TRPS1: variants seen among roughly 807,000 people sequenced by gnomAD.
TRPS1 encodes transcriptional repressor GATA binding 1, also known as zinc finger transcription factor Trps1.
TRPS1 carries 6 observed loss-of-function variants against 101.2 expected under a neutral mutation model. The observed-to-expected ratio is 0.06, with a 90% CI of 0.03 to 0.12. The LOEUF (loss-of-function observed/expected upper bound fraction) is 0.12. Ranked by LOEUF, TRPS1 falls within the 10% of genes least tolerant of loss-of-function variation. TRPS1 has a pLI of 1.00. For missense variants in TRPS1, 1,363 were observed against 1,567.0 expected (o/e 0.87, Z 2.20); for synonymous variants, 578 against 589.8 (o/e 0.98, Z 0.29).
chr8:115,486,901 A>AAGGT (rs1455622496), intron 5 of TRPS1, among the ~76,000 whole-genome samples: 1 of 152,224 alleles, frequency 6.6e-6, no homozygotes, highest in African/African-American at 2.4e-5. Context: ...AGCTGTAGGA[A>AAGGT]AGGTGATTGA....
intron 5 of TRPS1, among the ~76,000 whole-genome samples, chr8:115,491,404 G>A (rs1379921233): frequency 6.6e-6 from 1 of 152,148 alleles, no homozygotes; most frequent in East Asian, 1.9e-4. Context: ...ATCCTGAAGT[G>A]TAATTGGCTT....
At chr8:115,591,120 A>C (rs1439041039) in intron 4 of TRPS1, among the ~76,000 whole-genome samples, 1 of 152,176 alleles carries the variant, frequency 6.6e-6, no homozygotes, top group East Asian at 1.9e-4. Context: ...CTTAATTGTC[A>C]AGCTTTACTC....
At chr8:115,490,493 A>G (rs547679522) in intron 5 of TRPS1, among the ~76,000 whole-genome samples, 22 of 152,298 alleles carry the variant, frequency 1.4e-4, no homozygotes, top group African/African-American at 4.8e-4. Flanking sequence ...AATAGGGCTA[A>G]TGAATAATGT....
At chr8:115,607,681 C>CT (rs1416742131) in intron 3 of TRPS1, among the ~76,000 whole-genome samples, 1 of 151,376 alleles carries the variant, frequency 6.6e-6, no homozygotes, top group Non-Finnish European at 1.5e-5. Context: ...TTATTAAAAG[C>CT]TAATATAATA....
intron 1 of TRPS1, among the ~76,000 whole-genome samples, chr8:115,647,118 T>C (rs1035569165): frequency 2.6e-5 from 4 of 152,150 alleles, no homozygotes; most frequent in African/African-American, 9.7e-5. Flanking sequence ...CTTTACCTAA[T>C]ATTAGGTACA....
chr8:115,617,310 T>C (rs1479687050), intron 3 of TRPS1, among the ~76,000 whole-genome samples: 1 of 152,218 alleles, frequency 6.6e-6, no homozygotes, highest in African/African-American at 2.4e-5. Context: ...GATCAGCTGT[T>C]TTATTTCTAG....
intron 3 of TRPS1, among the ~76,000 whole-genome samples, chr8:115,606,126 T>A (rs1818032390): frequency 6.6e-6 from 1 of 152,198 alleles, no homozygotes; most frequent in Non-Finnish European, 1.5e-5. Context: ...ACACGTGTGA[T>A]CGCTGTTCAT....
chr8:115,488,228 A>C (rs1272829551), intron 5 of TRPS1, among the ~76,000 whole-genome samples: 1 of 152,246 alleles, frequency 6.6e-6, no homozygotes, highest in African/African-American at 2.4e-5. Context: ...CTTTCTTAAG[A>C]CATAATGCTA....
At chr8:115,446,653 T>C (rs1224367179) in intron 5 of TRPS1, among the ~76,000 whole-genome samples, 1 of 152,180 alleles carries the variant, frequency 6.6e-6, no homozygotes, top group Non-Finnish European at 1.5e-5. Context: ...CAGTCTACCA[T>C]GCATTCTCGC....
intron 1 of TRPS1, among the ~76,000 whole-genome samples, chr8:115,645,576 T>C (rs544755119): frequency 1.3e-5 from 2 of 152,260 alleles, no homozygotes; most frequent in Admixed American, 6.5e-5. Flanking sequence ...TGAAGAGGAA[T>C]TGTGTGCTCA....
chr8:115,479,068 GA>G (rs780305742), intron 5 of TRPS1, among the ~76,000 whole-genome samples: 1 of 151,566 alleles, frequency 6.6e-6, no homozygotes, highest in Admixed American at 6.6e-5. Flanking sequence ...ATTTTGGGGG[GA>G]AAAATAATAA....
At chr8:115,596,471 A>C (rs774671703) in intron 4 of TRPS1, among the ~76,000 whole-genome samples, 4 of 151,286 alleles carry the variant, frequency 2.6e-5, no homozygotes, top group Non-Finnish European at 5.9e-5. Flanking sequence ...CTAAGTTCGC[A>C]AACAAATTAA....
At chr8:115,461,423 A>C (rs1814174603) in intron 5 of TRPS1, among the ~76,000 whole-genome samples, 1 of 152,180 alleles carries the variant, frequency 6.6e-6, no homozygotes, top group African/African-American at 2.4e-5. Context: ...TCTTTTGTTG[A>C]AGCAATCAAT....
At chr8:115,446,445 G>T (rs552229361) in intron 5 of TRPS1, among the ~76,000 whole-genome samples, 225 of 151,842 alleles carry the variant, frequency 1.5e-3, no homozygotes, top group African/African-American at 5.1e-3. Flanking sequence ...GTCTAGTATT[G>T]AGATTGGTTC....
At chr8:115,421,244 C>G (rs1291010564) in intron 5 of TRPS1, among the ~76,000 whole-genome samples, 1 of 152,112 alleles carries the variant, frequency 6.6e-6, no homozygotes, top group Admixed American at 6.5e-5. Context: ...CTCGGCCTCC[C>G]AAAGTGCTGG....
intron 5 of TRPS1, among the ~76,000 whole-genome samples, chr8:115,435,830 C>T (rs527436765): frequency 4.7e-4 from 72 of 152,134 alleles, no homozygotes; most frequent in South Asian, 2.9e-3. Flanking sequence ...TTTAAATTAT[C>T]GCCTCATGGA....
In TRPS1 at chr8:115,410,840, T is replaced by C. The variant is rs984175279; in HGVS notation, c.*3183A>G. On this transcript the variant is annotated 3_prime_UTR_variant, in exon 7 of 7. Transcript: ENST00000395715. ...AATTTTAGCTGGCACATCATTTTCA[T>C]CACAGGGGAAGCCTTTTCCAAGAGA... is the stretch of plus-strand genomic sequence containing the variant. 3 of 152,014 alleles carry C rather than the reference T, an allele frequency of 2.0e-5. No individual in the cohort carries two copies. The highest frequency in any genetic ancestry group is 2.0e-4 in the Admixed American group (3 of 15,232). The allele number at this position is 152,014 out of a possible 1,614,324, so 9.4% of individuals were successfully genotyped here.
intron 5 of TRPS1, among the ~76,000 whole-genome samples, chr8:115,542,859 T>C (rs1358260139): frequency 6.6e-6 from 1 of 152,170 alleles, no homozygotes; most frequent in Admixed American, 6.6e-5. Context: ...CAGTTTTAAG[T>C]CCCACAATAT....
At chr8:115,666,122 T>C (rs908485573) in intron 1 of TRPS1, among the ~76,000 whole-genome samples, 1 of 152,142 alleles carries the variant, frequency 6.6e-6, no homozygotes, top group Non-Finnish European at 1.5e-5. Flanking sequence ...CGTCAAACTT[T>C]AGCATGTTAC....
Sources: gnomAD v4.1 joint callset for allele counts (sites outside exome capture counted in the v4.1 genomes callset) on GRCh38, gnomAD v4.1.1 for gene constraint, MANE v1.5 for transcripts, NCBI Gene and HGNC (gene_info 2026-07-23, HGNC 2026-07-21) for gene names.